Variants in PEG3 observed in about 807,000 individuals in gnomAD.
The protein encoded by PEG3 is paternally-expressed gene 3 protein.
In PEG3, 23 loss-of-function variants were observed where a neutral mutation model predicts 35.5. The observed-to-expected ratio is 0.65, with a 90% confidence interval of 0.47 to 0.92. PEG3 has a LOEUF of 0.92. Among genes scored for constraint, PEG3 ranks in the 40% least tolerant of loss-of-function variants. The pLI is 0.00. For synonymous variants in PEG3, 707 were observed against 697.0 expected (o/e 1.01, Z -0.23); for missense variants, 1,960 against 1,985.3 (o/e 0.99, Z 0.24).
Position 56,811,800 on chromosome 19 carries a change from T to C in PEG3, c.*1875A>G, listed in dbSNP as rs2059560276. ...ACCATCAAAAACTCCTTTTCCAAACTGCTCAGGACACCCCGCTCAATTCAT... is the reference window on the plus strand; with the variant it reads ...ACCATCAAAAACTCCTTTTCCAAACCGCTCAGGACACCCCGCTCAATTCAT... On this transcript the variant is annotated 3_prime_UTR_variant, in exon 10 of 10. Transcript: ENST00000326441. 5.1e-6 allele frequency: 5 copies of C among 985,484 alleles called. No homozygotes were observed. The highest frequency in any genetic ancestry group is 6.0e-6 in the Non-Finnish European group (5 of 829,956). 61.0% of individuals were successfully genotyped at this position (985,484 alleles called of 1,614,324 possible).
In PEG3 at chr19:56,836,062, C is replaced by A; in HGVS notation, c.-207G>T. 1 of 506,566 alleles carries A rather than the reference C, an allele frequency of 2.0e-6. No individual in the cohort carries two copies. Among genetic ancestry groups the A allele is most frequent in the South Asian group, 1.5e-5 (1 of 68,736 alleles). 31.4% of individuals were successfully genotyped at this position (506,566 alleles called of 1,614,324 possible). ...GTTTGGACCTAGTCCCTCTTCCTCT[C>A]GCCAGTCGTCTCCAAGAAGGACGGA... On this transcript the variant is annotated 5_prime_UTR_variant, in exon 2 of 10. Coordinates refer to ENST00000326441, the MANE Select transcript of PEG3 (RefSeq NM_006210.3).
At chr19:56,822,909 A>C in intron 5 of PEG3, 73 bp from the exon 6 acceptor site, 3 of 1,547,832 alleles carry the variant, frequency 1.9e-6, no homozygotes, top group Non-Finnish European at 2.6e-6. Context: ...GTGCACAAAC[A>C]CCCCTCTGGA....
chr19:56,823,870 G>A (rs1444311656), intron 4 of PEG3, among the ~76,000 whole-genome samples, 191 bp from the exon 5 acceptor site: 1 of 152,168 alleles, frequency 6.6e-6, no homozygotes, highest in Non-Finnish European at 1.5e-5. Flanking sequence ...GGTGGGGGGA[G>A]CATGGTGGCT....
chr19:56,810,655 AC>A lies in PEG3; in HGVS notation c.*3019del, dbSNP rs2048073542. The A allele has an allele frequency of 4.2e-6, 4 of 957,178 alleles. No homozygotes were observed. The South Asian group carries it at 1.9e-4, about 46-fold the overall frequency. 59.3% of individuals were successfully genotyped at this position (957,178 alleles called of 1,614,324 possible). ...TAAGGAATTTGAGACAAAATATTTA[AC>A]CAAATTCCCACAATGACAACACTAT... On this transcript the variant is annotated 3_prime_UTR_variant, in exon 10 of 10. Transcript: ENST00000326441.
rs1040153884 is a variant in PEG3 at position 56,812,042 on chromosome 19, T to C, written c.*1633A>G. 6.1e-6 allele frequency: 6 copies of C among 984,062 alleles called. No homozygotes were observed. The highest frequency in any genetic ancestry group is 5.2e-4 in the Middle Eastern group (1 of 1,936). 61.0% of individuals were successfully genotyped at this position (984,062 alleles called of 1,614,324 possible). ...TCCTGCAGATCCAGAAGAGTAAGAT[T>C]CAGACACATTTCCCCCAGTGGGTAC... On this transcript the variant is annotated 3_prime_UTR_variant, in exon 10 of 10. Coordinates refer to ENST00000326441, the MANE Select transcript of PEG3 (RefSeq NM_006210.3).
intron 7 of PEG3, among the ~76,000 whole-genome samples, chr19:56,819,298 T>G (rs1418299573): frequency 6.6e-6 from 1 of 152,224 alleles, no homozygotes; most frequent in Admixed American, 6.5e-5. Flanking sequence ...GTCTCCAGTT[T>G]GCACAATTTC....
chr19:56,837,638 G>C (rs896520734), intron 1 of PEG3, among the ~76,000 whole-genome samples: 1 of 152,204 alleles, frequency 6.6e-6, no homozygotes, highest in Non-Finnish European at 1.5e-5. Flanking sequence ...GTAGGGCTCA[G>C]CTGGCACGCC....
chr19:56,819,740 T>C (rs1171490431), intron 7 of PEG3, among the ~76,000 whole-genome samples: 1 of 152,266 alleles, frequency 6.6e-6, no homozygotes, highest in African/African-American at 2.4e-5. Flanking sequence ...TTCTGCAGTG[T>C]GATGTCTTGC....
At chr19:56,838,735 T>C (rs2062528976) in intron 1 of PEG3, among the ~76,000 whole-genome samples, 1 of 152,224 alleles carries the variant, frequency 6.6e-6, no homozygotes, top group Non-Finnish European at 1.5e-5. Context: ...ATGCGGGGAC[T>C]GAGCCAGTCC....
At chr19:56,829,917 T>C (rs1386202908) in intron 2 of PEG3, among the ~76,000 whole-genome samples, 2 of 152,222 alleles carry the variant, frequency 1.3e-5, no homozygotes, top group South Asian at 2.1e-4. Flanking sequence ...CAGCCACGCC[T>C]ACCACTGAAG....
rs528000961 is a variant in PEG3, at chr19:56,811,113, A to G, written c.*2562T>C. ...GTGGGGATATGATTTTTTTTCCTCC[A>G]CTTTTCTGTATTTTCCAAGTGTGTG... is the stretch of plus-strand genomic sequence containing the variant. On this transcript the variant is annotated 3_prime_UTR_variant, in exon 10 of 10. Coordinates refer to ENST00000326441, the MANE Select transcript of PEG3 (RefSeq NM_006210.3). 104 of 984,630 alleles carry G rather than the reference A, an allele frequency of 1.1e-4. No homozygotes were observed. The highest frequency in any genetic ancestry group is 5.9e-4 in the African/African-American group (34 of 57,340). 61.0% of individuals were successfully genotyped at this position (984,630 alleles called of 1,614,324 possible).
intron 1 of PEG3, among the ~76,000 whole-genome samples, chr19:56,840,092 G>C (rs1217146731): frequency 6.6e-6 from 1 of 152,218 alleles, no homozygotes; most frequent in Admixed American, 6.5e-5. Flanking sequence ...CCGCAGGAAG[G>C]GGCATTTTCG....
At position 56,822,871 on chromosome 19, in the gene PEG3, C is replaced by T. The variant is rs1238018580; in HGVS notation, c.482-35G>A. The T allele has an allele frequency of 6.2e-6, 10 of 1,600,608 alleles. 1 individual carries two copies. The highest frequency in any genetic ancestry group is 8.5e-6 in the Non-Finnish European group (10 of 1,173,490). On this transcript the variant is annotated intron_variant, in intron 5 of 9. Coordinates refer to ENST00000326441, the MANE Select transcript of PEG3 (RefSeq NM_006210.3). ...TGAGACATTCCAGTGGTTAACAAAG[C>T]TCTTTGACACACCTGTTTTCCCTGC...
chr19:56,827,475 G>A (rs1259812721), intron 2 of PEG3, among the ~76,000 whole-genome samples: 1 of 152,080 alleles, frequency 6.6e-6, no homozygotes, highest in East Asian at 1.9e-4. Context: ...TCATTTGGGA[G>A]TAAAGAAAGG....
In PEG3 at chr19:56,816,671, C is replaced by T. The variant is rs1454776339; in HGVS notation, c.1771G>A (p.Asp591Asn). ...TCACGTTCATGTTCACGCTCATTAT[C>T]TTTGTCATCCCCAAAGTGGATTTTC... ...HQKIHFGDDK[D>N]NEREHERERE... The change falls in exon 10 of 10, where the codon GAT (aspartate) becomes AAT (asparagine). Residue 591 changes from aspartate to asparagine, a missense_variant. Around this residue, in one of 5 missense-constraint regions of PEG3, gnomAD observed 798 missense variants for 782.4 expected, o/e 1.02. Transcript: ENST00000326441. The T allele has an allele frequency of 6.2e-7, 1 of 1,614,104 alleles. No individual in the cohort carries two copies. Among genetic ancestry groups the T allele is most frequent in the Non-Finnish European group, 8.5e-7 (1 of 1,179,956 alleles).
Position 56,818,521 on chromosome 19 carries a change from C to T in PEG3, c.772+79G>A, listed in dbSNP as rs1205067552. The T allele has an allele frequency of 3.4e-6, 5 of 1,481,594 alleles. No individual in the cohort carries two copies. The African/African-American group carries it at 5.6e-5, about 16-fold the overall frequency. 91.8% of individuals were successfully genotyped at this position (1,481,594 alleles called of 1,614,324 possible). A position where few individuals can be genotyped will look rare whatever the true frequency, so the allele number is the denominator to read the frequency against. On this transcript the variant is annotated intron_variant, in intron 8 of 9. Coordinates refer to ENST00000326441, the MANE Select transcript of PEG3 (RefSeq NM_006210.3). ...CCAAATATATTAATGTGGACTCTAA[C>T]ATCCAGCTTAAAAAGGAGCAAGATG...
rs182961814 is a variant in PEG3, at chr19:56,824,563, C to T, written c.93G>A (p.Pro31=). 97 of 1,614,102 alleles carry T rather than the reference C, an allele frequency of 6.0e-5. No individual in the cohort carries two copies. In the South Asian group the frequency reaches 6.3e-4, roughly 10 times the overall value. ...TTGGACCTTCTCCTATGATGACATC[C>T]GGCTCCTTAGTCAAGTCACTGTCTA... is the stretch of plus-strand genomic sequence containing the variant. The part of the protein sequence containing the change: ...YELDSDLTKE[P]DVIIGEGPTD... The change falls in exon 4 of 10, where the codon CCG becomes CCA. Residue 31 remains proline (P), a synonymous_variant. Coordinates refer to ENST00000326441, the MANE Select transcript of PEG3 (RefSeq NM_006210.3).
intron 6 of PEG3, chr19:56,822,544 T>C (rs1324779752): frequency 1.9e-6 from 1 of 539,718 alleles, no homozygotes; most frequent in African/African-American, 1.9e-5. Context: ...GCAAATAGTT[T>C]AGGTGGCAAC....
chr19:56,813,590 C>T lies in PEG3; in HGVS notation c.*85G>A. On this transcript the variant is annotated 3_prime_UTR_variant, in exon 10 of 10. Transcript: ENST00000326441. Reference sequence around the variant, plus strand: ...ACACTAAGGTTAAGTCTCCTACTGACATTATCATGGATTGGTTTGGATTCT... The same window carrying T: ...ACACTAAGGTTAAGTCTCCTACTGATATTATCATGGATTGGTTTGGATTCT... 6.7e-7 allele frequency: 1 copy of T among 1,499,494 alleles called. No homozygotes were observed. Among genetic ancestry groups the T allele is most frequent in the African/African-American group, 1.4e-5 (1 of 71,804 alleles). The allele number at this position is 1,499,494 out of a possible 1,614,324, so 92.9% of individuals were successfully genotyped here.
Sources: gnomAD v4.1 joint callset for allele counts (sites outside exome capture counted in the v4.1 genomes callset) on GRCh38, gnomAD v4.1.1 for gene constraint, gnomAD v4.1.1 regional missense constraint, MANE v1.5 for transcripts, NCBI Gene and HGNC (gene_info 2026-07-23, HGNC 2026-07-21) for gene names.